The following CACNA2D2 variants were observed in gnomAD, a reference collection of about 807,000 sequenced individuals.
CACNA2D2 encodes the protein voltage-dependent calcium channel subunit alpha-2/delta-2.
CACNA2D2 carries 48 observed loss-of-function variants against 166.4 expected under a neutral mutation model. The ratio of observed to expected loss-of-function variants is 0.29; its 90% CI spans 0.23 to 0.37. CACNA2D2 has a LOEUF of 0.37. Among genes scored for constraint, CACNA2D2 ranks in the 10% least tolerant of loss-of-function variants. CACNA2D2 has a pLI of 1.00. For synonymous variants in CACNA2D2, 561 were observed against 573.7 expected (o/e 0.98, Z 0.32); for missense variants, 1,122 against 1,433.0 (o/e 0.78, Z 3.50).
chr3:50,437,333 T>A (rs1708396675), intron 2 of CACNA2D2, among the ~76,000 whole-genome samples: 1 of 152,132 alleles, frequency 6.6e-6, no homozygotes, highest in Admixed American at 6.5e-5. Flanking sequence ...TGTCCCTGCA[T>A]CCCCTCCACC....
rs2106660134 is a variant in CACNA2D2, at chr3:50,379,265, C to A, written c.1153-66G>T. 6.7e-7 allele frequency: 1 copy of A among 1,484,060 alleles called. No individual in the cohort carries two copies. Among genetic ancestry groups the A allele is most frequent in the East Asian group, 2.3e-5 (1 of 44,106 alleles). The allele number at this position is 1,484,060 out of a possible 1,614,324, so 91.9% of individuals were successfully genotyped here. On this transcript the variant is annotated intron_variant, in intron 11 of 37. Coordinates refer to ENST00000424201, the MANE Select transcript of CACNA2D2 (RefSeq NM_006030.4). The surrounding 1 kb of genome is among the most constrained non-coding windows in gnomAD (Gnocchi z 6.5). ...CCTGGTCCAGGGGCAGGGCCTCCCTCCCGCAGTGGGCCTGGACCTCTGGCC... is the reference window on the plus strand; with the variant it reads ...CCTGGTCCAGGGGCAGGGCCTCCCTACCGCAGTGGGCCTGGACCTCTGGCC...
chr3:50,476,952 C>G (rs1697807290), intron 1 of CACNA2D2, among the ~76,000 whole-genome samples: 1 of 141,074 alleles, frequency 7.1e-6, no homozygotes, highest in Non-Finnish European at 1.5e-5. Context: ...TTTTTTGAGA[C>G]AGAGTCTCGA....
chr3:50,379,235 C>T lies in CACNA2D2; in HGVS notation c.1153-36G>A. On this transcript the variant is annotated intron_variant, in intron 11 of 37. Transcript: ENST00000424201. This position sits in a 1 kb window ranked among gnomAD's most constrained non-coding sequence, Gnocchi z 6.5. ...TGAGGCGGAGGCAGGCAGCTCTCAG[C>T]CCTCCCTGGTCCAGGGGCAGGGCCT... is the stretch of plus-strand genomic sequence containing the variant. 6.4e-7 allele frequency: 1 copy of T among 1,568,928 alleles called. No homozygotes were observed. The highest frequency in any genetic ancestry group is 8.8e-7 in the Non-Finnish European group (1 of 1,139,338).
intron 3 of CACNA2D2, among the ~76,000 whole-genome samples, chr3:50,410,505 C>T (rs1361988292): frequency 1.3e-5 from 2 of 149,334 alleles, no homozygotes; most frequent in African/African-American, 5.0e-5. Context: ...TGTCTTTGTG[C>T]CCCAGAGTCA....
chr3:50,380,111 T>C lies in CACNA2D2; in HGVS notation c.843-93A>G, dbSNP rs587687404. ...TACATATTGATTCAATACATTTCTCTTGAGCATGCACTGTGTGGGCCAGGC... is the reference window on the plus strand; with the variant it reads ...TACATATTGATTCAATACATTTCTCCTGAGCATGCACTGTGTGGGCCAGGC... On this transcript the variant is annotated intron_variant, in intron 8 of 37. Transcript: ENST00000424201. The surrounding 1 kb of genome is among the most constrained non-coding windows in gnomAD (Gnocchi z 4.9). 1 of 1,314,532 alleles carries C rather than the reference T, an allele frequency of 7.6e-7. No homozygotes were observed. Among genetic ancestry groups the C allele is most frequent in the African/African-American group, 1.4e-5 (1 of 69,234 alleles). 81.4% of individuals were successfully genotyped at this position (1,314,532 alleles called of 1,614,324 possible). A position where few individuals can be genotyped will look rare whatever the true frequency, so the allele number is the denominator to read the frequency against.
Position 50,394,106 on chromosome 3 carries a change from T to TA in CACNA2D2, c.465+2dup. On this transcript the variant is annotated splice_region_variant and intron_variant, in intron 4 of 37. Transcript: ENST00000424201. ...GTGCTGGGCAGGGTGCTGGGGTTCC[T>TA]ACCTTGATGTTGTCCTGCCAGCGGT... The TA allele has an allele frequency of 6.2e-7, 1 of 1,613,968 alleles. No homozygotes were observed. Among genetic ancestry groups the TA allele is most frequent in the Non-Finnish European group, 8.5e-7 (1 of 1,179,822 alleles).
chr3:50,448,610 C>T (rs765737385), intron 2 of CACNA2D2, among the ~76,000 whole-genome samples: 5 of 152,196 alleles, frequency 3.3e-5, no homozygotes, highest in South Asian at 2.1e-4. Flanking sequence ...GGGGAAGGCT[C>T]GCAATGAACA....
At chr3:50,487,871 C>T (rs975453399) in intron 1 of CACNA2D2, among the ~76,000 whole-genome samples, 1 of 152,234 alleles carries the variant, frequency 6.6e-6, no homozygotes, top group East Asian at 1.9e-4. Context: ...TCATTCATTC[C>T]GATAGTAACC....
intron 2 of CACNA2D2, among the ~76,000 whole-genome samples, chr3:50,452,049 G>A (rs1709126405): frequency 6.6e-6 from 1 of 152,116 alleles, no homozygotes; most frequent in Admixed American, 6.5e-5. Flanking sequence ...TGCCAAGGGT[G>A]TTGCCTGCTG....
chr3:50,500,384 G>C (rs1381759874), intron 1 of CACNA2D2, among the ~76,000 whole-genome samples: 12 of 152,178 alleles, frequency 7.9e-5, no homozygotes, highest in Admixed American at 3.9e-4. Flanking sequence ...ACAGAGGAGG[G>C]GACAGAGAAA....
At chr3:50,459,549 T>C (rs1175785362) in intron 2 of CACNA2D2, among the ~76,000 whole-genome samples, 2 of 152,146 alleles carry the variant, frequency 1.3e-5, no homozygotes, top group South Asian at 2.1e-4. Flanking sequence ...CACAGGAAGA[T>C]GATCTGGGAC....
At chr3:50,474,953 G>A (rs900820054) in intron 2 of CACNA2D2, among the ~76,000 whole-genome samples, 1 of 152,164 alleles carries the variant, frequency 6.6e-6, no homozygotes. Context: ...CCAGGAAAGG[G>A]GTGTTTAGTG....
intron 3 of CACNA2D2, among the ~76,000 whole-genome samples, chr3:50,413,981 T>C (rs985234542): frequency 7.0e-6 from 1 of 142,500 alleles, no homozygotes; most frequent in Non-Finnish European, 1.5e-5. Flanking sequence ...ACCTGGGACA[T>C]CCCTAAAGTA....
intron 2 of CACNA2D2, among the ~76,000 whole-genome samples, chr3:50,444,344 C>T (rs749288814): frequency 1.3e-5 from 2 of 152,200 alleles, no homozygotes; most frequent in African/African-American, 2.4e-5. Flanking sequence ...TCTCTTGCAC[C>T]CACAGCCAAG....
intron 1 of CACNA2D2, among the ~76,000 whole-genome samples, chr3:50,491,343 T>C (rs575778066): frequency 2.0e-5 from 3 of 152,192 alleles, no homozygotes; most frequent in Admixed American, 6.5e-5. Flanking sequence ...GCCCAGACTA[T>C]CACAGTGAGG....
intron 3 of CACNA2D2, among the ~76,000 whole-genome samples, chr3:50,423,604 T>G (rs1057403457): frequency 6.6e-6 from 1 of 152,238 alleles, no homozygotes; most frequent in African/African-American, 2.4e-5. Context: ...CCTAGGCATC[T>G]GGGAGGCTGA....
chr3:50,458,212 C>T (rs1019174060), intron 2 of CACNA2D2, among the ~76,000 whole-genome samples: 10 of 152,238 alleles, frequency 6.6e-5, no homozygotes, highest in South Asian at 2.1e-4. Context: ...CTTCCCACTG[C>T]GCAGATGGGG....
intron 1 of CACNA2D2, among the ~76,000 whole-genome samples, chr3:50,477,919 A>T (rs1404899295): frequency 6.6e-6 from 1 of 151,848 alleles, no homozygotes; most frequent in African/African-American, 2.4e-5. Context: ...TGCCTCCTCC[A>T]CTCAGGCCTG....
In CACNA2D2 at chr3:50,377,977, G is replaced by A. The variant is rs761543147; in HGVS notation, c.1479+31C>T. On this transcript the variant is annotated intron_variant, in intron 15 of 37. Transcript: ENST00000424201. ...GCACATCTCCGGGGGAAGGGTGCCA[G>A]CCCCACCCCTTCCTTGTCCAGAGGC... The A allele has an allele frequency of 1.1e-5, 17 of 1,597,792 alleles. No individual in the cohort carries two copies. In the East Asian group the frequency reaches 2.2e-4, roughly 21 times the overall value.
Sources: gnomAD v4.1 joint callset for allele counts (sites outside exome capture counted in the v4.1 genomes callset) on GRCh38, gnomAD v4.1.1 for gene constraint, Gnocchi (gnomAD v3.1) non-coding constraint, MANE v1.5 for transcripts, NCBI Gene and HGNC (gene_info 2026-07-23, HGNC 2026-07-21) for gene names.